Variants in SMTN observed in about 807,000 individuals in gnomAD.
The protein encoded by SMTN is smoothelin.
Under a neutral mutation model 102.0 loss-of-function variants are expected in SMTN, and 58 were observed. That is an observed-to-expected ratio of 0.57 (90% CI 0.46 to 0.71). The LOEUF (loss-of-function observed/expected upper bound fraction) is 0.71. Ranked by LOEUF, SMTN falls within the 30% of genes least tolerant of loss-of-function variation. The pLI, the probability that SMTN is intolerant of heterozygous loss-of-function variation, is 0.00. For missense variants in SMTN, 1,185 were observed against 1,241.7 expected (o/e 0.95, Z 0.69); for synonymous variants, 478 against 497.9 (o/e 0.96, Z 0.53).
rs774625410 is a variant in SMTN, at chr22:31,091,758, C to T, written c.1543C>T (p.Pro515Ser). Residue 515 changes from proline to serine, a missense_variant, in exon 11 of 21, where the codon CCT becomes TCT. Transcript: ENST00000333137. ...GKSTITRVNS[P>S]GTLARLGSVT... Reference sequence around the variant, plus strand: ...GAGCACCATCACCCGTGTCAACAGCCCTGGGACCCTGGCTCGGCTGGGCAG... The same window carrying T: ...GAGCACCATCACCCGTGTCAACAGCTCTGGGACCCTGGCTCGGCTGGGCAG... 1 of 1,612,556 alleles carries T rather than the reference C, an allele frequency of 6.2e-7. No individual in the cohort carries two copies. Among genetic ancestry groups the T allele is most frequent in the Non-Finnish European group, 8.5e-7 (1 of 1,179,274 alleles).
At chr22:31,091,603 C>G in intron 10 of SMTN, 72 bp from the exon 11 acceptor site, 1 of 1,519,602 alleles carries the variant, frequency 6.6e-7, no homozygotes, top group Middle Eastern at 1.8e-4. Flanking sequence ...GGAGCGAGGG[C>G]ATTATCAACC....
upstream of SMTN, among the ~76,000 whole-genome samples, chr22:31,077,444 C>T (rs1158286504): frequency 6.6e-6 from 1 of 151,998 alleles, no homozygotes; most frequent in Non-Finnish European, 1.5e-5. Context: ...GTCTCCTTAT[C>T]TGTATAATGG....
upstream of SMTN, among the ~76,000 whole-genome samples, chr22:31,081,142 A>C (rs1455266080): frequency 6.7e-6 from 1 of 149,854 alleles, no homozygotes; most frequent in African/African-American, 2.5e-5. Context: ...CAAGACTCCC[A>C]ATTTCCGACC....
In SMTN at chr22:31,095,309, G is replaced by C. The variant is rs3205187; in HGVS notation, c.1639G>C (p.Ala547Pro). The part of the protein sequence containing the change: ...SRGGCSIKME[A>P]EPAEPLAAAV... ...CCCTCTCCCCACCCTGCAGATGGAA[G>C]CAGAGCCAGCAGAGCCTCTCGCTGC... The change falls in exon 12 of 21, where the codon GCA becomes CCA. Residue 547 changes from alanine (A) to proline (P), a missense_variant. Physicochemically the swap from Ala to Pro is conservative, Grantham distance 27 (BLOSUM62 -1). Coordinates refer to ENST00000333137, the MANE Select transcript of SMTN (RefSeq NM_134269.3). The surrounding 1 kb of genome is among the most constrained non-coding windows in gnomAD (Gnocchi z 4.1). The C allele has an allele frequency of 0.62, 1,008,110 of 1,613,198 alleles. 324,069 individuals are homozygous for C. The highest frequency in any genetic ancestry group is 0.7 in the Middle Eastern group (4,019 of 5,716).
intron 2 of SMTN, 186 bp downstream of exon 2, chr22:31,083,495 C>T (rs962301507): frequency 7.4e-5 from 51 of 686,716 alleles, no homozygotes; most frequent in Non-Finnish European, 1.1e-4. Context: ...TGTGCCTGTC[C>T]ATGCCTGGTA....
chr22:31,074,808 AAACAACAACAAC>A (rs990112172), intron 1 of SMTN, among the ~76,000 whole-genome samples: 1 of 97,002 alleles, frequency 1.0e-5, no homozygotes, highest in Non-Finnish European at 2.1e-5. Flanking sequence ...AAAACAACAA[AAACAACAACAAC>A]AACAACAACA....
chr22:31,091,448 C>T lies in SMTN; in HGVS notation c.1425C>T (p.Gly475=). 1 of 1,530,614 alleles carries T rather than the reference C, an allele frequency of 6.5e-7. No homozygotes were observed. The highest frequency in any genetic ancestry group is 1.3e-5 in the South Asian group (1 of 77,630). The allele number at this position is 1,530,614 out of a possible 1,614,324, so 94.8% of individuals were successfully genotyped here. A position where few individuals can be genotyped will look rare whatever the true frequency, so the allele number is the denominator to read the frequency against. The part of the protein sequence containing the change: ...IKDGRGQAST[G]RVLLPTGNQR... Reference sequence around the variant, plus strand: ...ACGGCCGTGGCCAGGCCTCCACAGGCCGGGTGCTGCTGCCCACAGGCAACC... The same window carrying T: ...ACGGCCGTGGCCAGGCCTCCACAGGTCGGGTGCTGCTGCCCACAGGCAACC... The change falls in exon 10 of 21, where the codon GGC becomes GGT. Residue 475 remains glycine, a synonymous_variant. Coordinates refer to ENST00000333137, the MANE Select transcript of SMTN (RefSeq NM_134269.3).
chr22:31,097,429 C>T (rs762357763), intron 16 of SMTN, 91 bp downstream of exon 16: 84 of 1,178,822 alleles, frequency 7.1e-5, no homozygotes, highest in Non-Finnish European at 1.0e-4. Context: ...GTGGGCTGGG[C>T]ACAGTGGCTC....
At chr22:31,088,368 T>G (rs1358773821) in intron 3 of SMTN, 145 bp from the exon 4 acceptor site, 1 of 793,384 alleles carries the variant, frequency 1.3e-6, no homozygotes, top group African/African-American at 1.7e-5. Flanking sequence ...TGGGCATATG[T>G]GTATCAGTGT....
At chr22:31,085,401 C>A in intron 2 of SMTN, 1 of 957,172 alleles carries the variant, frequency 1.0e-6, no homozygotes, top group Non-Finnish European at 1.5e-6. Context: ...CCCCCATGGG[C>A]AACCGGGGGA....
chr22:31,085,674 C>T (rs998471353), intron 2 of SMTN, among the ~76,000 whole-genome samples: 2 of 152,254 alleles, frequency 1.3e-5, no homozygotes, highest in African/African-American at 4.8e-5. Context: ...ACAGCTCCCT[C>T]CTTACACAGC....
intron 1 of SMTN, chr22:31,067,616 ACG>A (rs1190080014): frequency 7.3e-6 from 1 of 136,920 alleles, no homozygotes; most frequent in African/African-American, 2.8e-5. Context: ...GTGCAGTGGC[ACG>A]ATCTTGGCTC....
At chr22:31,089,541 C>A in intron 6 of SMTN, 158 bp from the exon 7 acceptor site, 1 of 663,444 alleles carries the variant, frequency 1.5e-6, no homozygotes, top group South Asian at 1.8e-5. Flanking sequence ...CCTTAGCATG[C>A]CAGTGCCAGT....
intron 1 of SMTN, among the ~76,000 whole-genome samples, chr22:31,071,736 C>T (rs1234676128): frequency 1.4e-5 from 2 of 147,660 alleles, no homozygotes; most frequent in Non-Finnish European, 3.0e-5. Flanking sequence ...CACTCTGATA[C>T]CCAATCTGGA....
chr22:31,089,008 A>G (rs775976337), intron 6 of SMTN, 39 bp downstream of exon 6: 31 of 1,515,916 alleles, frequency 2.0e-5, no homozygotes, highest in East Asian at 4.5e-5. Flanking sequence ...TCCTGTGCCC[A>G]TGGATACCGG....
rs1457962325 is a variant in SMTN at position 31,100,862 on chromosome 22, TCCCGGCCCCCTACCCTC to T, written c.2604-19_2604-3del. The T allele has an allele frequency of 2.2e-5, 18 of 804,914 alleles. No individual in the cohort carries two copies. The highest frequency in any genetic ancestry group is 3.0e-5 in the Non-Finnish European group (16 of 539,212). The allele number at this position is 804,914 out of a possible 1,614,324, so 49.9% of individuals were successfully genotyped here. ...CCTCCTGCCCCCGTCCCCCACCCCTTCCCGGCCCCCTACCCTCCCCAGGACCCATGCGGACTGCCCGC... is the reference window on the plus strand; with the variant it reads ...CCTCCTGCCCCCGTCCCCCACCCCTTCCCAGGACCCATGCGGACTGCCCGC... On this transcript the variant is annotated splice_polypyrimidine_tract_variant and splice_region_variant and intron_variant, in intron 19 of 20. Coordinates refer to ENST00000333137, the MANE Select transcript of SMTN (RefSeq NM_134269.3).
rs757592599 is a variant in SMTN at position 31,088,498 on chromosome 22, A to G, written c.201-15A>G. ...GGCCATGGCAGTGGTGGTTACAGTC[A>G]TGATGTCTCTGCAGCTCTCAGCAGC... On this transcript the variant is annotated splice_polypyrimidine_tract_variant and intron_variant, in intron 3 of 20. Transcript: ENST00000333137. The G allele has an allele frequency of 9.3e-6, 15 of 1,611,420 alleles. No individual in the cohort carries two copies. The highest frequency in any genetic ancestry group is 1.2e-5 in the Non-Finnish European group (14 of 1,178,442).
chr22:31,085,685 G>A (rs1415656106), intron 2 of SMTN, among the ~76,000 whole-genome samples: 1 of 152,234 alleles, frequency 6.6e-6, no homozygotes, highest in African/African-American at 2.4e-5. Flanking sequence ...CTTACACAGC[G>A]GTGGGGCCTG....
rs2042878024 is a variant in SMTN, at chr22:31,088,562, G to A, written c.250G>A (p.Gly84Arg). The change falls in exon 4 of 21, where the codon GGG (glycine) becomes AGG (arginine). Residue 84 changes from glycine to arginine, a missense_variant. By Grantham distance (125) the Gly-to-Arg change is moderately radical (BLOSUM62 -2). Coordinates refer to ENST00000333137, the MANE Select transcript of SMTN (RefSeq NM_134269.3). The part of the protein sequence containing the change: ...EQRAALARLA[G>R]QLESMNDVEE... ...GCGGGCTGCCCTGGCACGGCTGGCA[G>A]GGCAGCTGGAGTCCATGAACGATGT... 2 of 1,613,714 alleles carry A rather than the reference G, an allele frequency of 1.2e-6. No individual in the cohort carries two copies. The highest frequency in any genetic ancestry group is 1.7e-6 in the Non-Finnish European group (2 of 1,179,936).
Sources: allele counts gnomAD v4.1 joint callset (sites outside exome capture counted in the v4.1 genomes callset), GRCh38; gene constraint gnomAD v4.1.1; non-coding constraint Gnocchi (gnomAD v3.1); transcripts MANE v1.5; gene names NCBI Gene and HGNC (gene_info 2026-07-23, HGNC 2026-07-21).